CDH4: variants seen among roughly 807,000 people sequenced by gnomAD.
CDH4 encodes cadherin-4.
In CDH4, 33 loss-of-function variants were observed where a neutral mutation model predicts 86.0. That is an observed-to-expected ratio of 0.38 (90% CI 0.29 to 0.51). The LOEUF (loss-of-function observed/expected upper bound fraction) is 0.51, where lower values mean the gene tolerates loss of function less well. CDH4 is among the 20% of genes least tolerant of loss of function. The pLI is 0.86. For synonymous variants in CDH4, 555 were observed against 549.4 expected, an observed-to-expected ratio of 1.01 and a Z score of -0.14; for missense variants, 1,114 against 1,307.4, an observed-to-expected ratio of 0.85 and a Z score of 2.28.
intron 2 of CDH4, among the ~76,000 whole-genome samples, chr20:61,540,581 G>A (rs956893727): frequency 1.3e-5 from 2 of 152,028 alleles, no homozygotes; most frequent in Non-Finnish European, 2.9e-5. Context: ...ACGAAATGCC[G>A]GCAGGAAGAA....
chr20:61,519,478 G>A (rs1364476209), intron 2 of CDH4, among the ~76,000 whole-genome samples: 1 of 152,208 alleles, frequency 6.6e-6, no homozygotes, highest in Non-Finnish European at 1.5e-5. Flanking sequence ...AGCTACATTT[G>A]TTGTCCTTCC....
intron 8 of CDH4, among the ~76,000 whole-genome samples, chr20:61,906,185 G>A (rs902822771): frequency 6.6e-5 from 10 of 152,228 alleles, no homozygotes; most frequent in Admixed American, 1.3e-4. Flanking sequence ...ACAAGGATCT[G>A]AAGCATTTTC....
chr20:61,914,435 T>C (rs2054883886), intron 9 of CDH4, among the ~76,000 whole-genome samples: 2 of 150,992 alleles, frequency 1.3e-5, no homozygotes, highest in Non-Finnish European at 2.9e-5. Context: ...CAAAACCCTC[T>C]TTGGGAAAAG....
intron 4 of CDH4, among the ~76,000 whole-genome samples, chr20:61,786,875 G>A (rs1401754508): frequency 6.6e-6 from 1 of 152,198 alleles, no homozygotes; most frequent in Non-Finnish European, 1.5e-5. Flanking sequence ...TTGTCTAGGT[G>A]CTAATGCGTG....
intron 2 of CDH4, among the ~76,000 whole-genome samples, chr20:61,605,341 GTCTC>G (rs2086634905): frequency 6.6e-6 from 1 of 151,864 alleles, no homozygotes; most frequent in Non-Finnish European, 1.5e-5. Flanking sequence ...CTCTCTGTGT[GTCTC>G]TCTCTGTCTC....
At chr20:61,347,611 G>A (rs2084686741) in intron 2 of CDH4, among the ~76,000 whole-genome samples, 1 of 152,222 alleles carries the variant, frequency 6.6e-6, no homozygotes, top group African/African-American at 2.4e-5. Context: ...TGAGCGCTGA[G>A]AGACACATAA....
Position 61,612,401 on chromosome 20 carries a change from C to T in CDH4, c.170-131162C>T, listed in dbSNP as rs112660316. Reference sequence around the variant, plus strand: ...ACTTTTGTCTATTTTTGAGGCCTGACGTATTTTGGGTGGACTTGCCTTTTT... The same window carrying T: ...ACTTTTGTCTATTTTTGAGGCCTGATGTATTTTGGGTGGACTTGCCTTTTT... On this transcript the variant is annotated intron_variant, in intron 2 of 15. Coordinates refer to ENST00000614565, the MANE Select transcript of CDH4 (RefSeq NM_001794.5). Among the ~76,000 whole-genome samples the T allele has an allele frequency of 6.0e-3, 920 of 152,180 alleles. 7 individuals are homozygous for T. The highest frequency in any genetic ancestry group is 0.024 in the Middle Eastern group (7 of 294).
At chr20:61,523,801 C>T (rs566219149) in intron 2 of CDH4, among the ~76,000 whole-genome samples, 2 of 152,230 alleles carry the variant, frequency 1.3e-5, no homozygotes, top group Non-Finnish European at 2.9e-5. Flanking sequence ...CCTTTCACTG[C>T]CGGGGAGACC....
chr20:61,486,566 T>C (rs143169402), intron 2 of CDH4, among the ~76,000 whole-genome samples: 13 of 152,358 alleles, frequency 8.5e-5, no homozygotes, highest in African/African-American at 2.6e-4. Context: ...ACTTGTGTGG[T>C]GCCACCTCAG....
At chr20:61,903,499 C>T (rs994176582) in intron 8 of CDH4, among the ~76,000 whole-genome samples, 1 of 117,466 alleles carries the variant, frequency 8.5e-6, no homozygotes, top group East Asian at 2.5e-4. Flanking sequence ...GAGCCAAGAT[C>T]GAGCAATTGC....
rs980005498 is a variant in CDH4 at position 61,510,707 on chromosome 20, A to T, written c.170-232856A>T. Reference sequence around the variant, plus strand: ...GAGGCGGGAAGGTGTGCCCTCCATTATATAGAGGAGGCAGGTTGAAAATTG... The same window carrying T: ...GAGGCGGGAAGGTGTGCCCTCCATTTTATAGAGGAGGCAGGTTGAAAATTG... On this transcript the variant is annotated intron_variant, in intron 2 of 15. Transcript: ENST00000614565. This position sits in a 1 kb window ranked among gnomAD's most constrained non-coding sequence, Gnocchi z 4.2. Among the ~76,000 whole-genome samples, 3 of 152,120 alleles carry T rather than the reference A, an allele frequency of 2.0e-5. No homozygotes were observed. In the East Asian group the frequency reaches 5.8e-4, roughly 29 times the overall value.
At chr20:61,586,044 A>AT (rs2086470931) in intron 2 of CDH4, among the ~76,000 whole-genome samples, 2 of 140,010 alleles carry the variant, frequency 1.4e-5, no homozygotes, top group African/African-American at 5.7e-5. Context: ...TGTGGTGATG[A>AT]GGAGGATGAT....
intron 2 of CDH4, among the ~76,000 whole-genome samples, chr20:61,659,969 A>G (rs949800285): frequency 6.6e-6 from 1 of 151,980 alleles, no homozygotes; most frequent in Non-Finnish European, 1.5e-5. Context: ...TGAGTTGTCT[A>G]TTCCATGCAC....
chr20:61,605,886 GAAA>G (rs529210946), intron 2 of CDH4, among the ~76,000 whole-genome samples: 321 of 125,988 alleles, frequency 2.5e-3, no homozygotes, highest in African/African-American at 7.1e-3. Flanking sequence ...GGCTGTGGAG[GAAA>G]AAAAAAAAAA....
intron 2 of CDH4, among the ~76,000 whole-genome samples, chr20:61,722,351 C>G (rs896899389): frequency 6.6e-6 from 1 of 152,192 alleles, no homozygotes; most frequent in Non-Finnish European, 1.5e-5. Context: ...GTCATCAGCA[C>G]TCACTGCTAC....
intron 2 of CDH4, among the ~76,000 whole-genome samples, chr20:61,277,936 A>G (rs1470062297): frequency 6.6e-6 from 1 of 152,194 alleles, no homozygotes; most frequent in Non-Finnish European, 1.5e-5. Context: ...GTGGGTGCCG[A>G]TCGGGCCTAA....
intron 3 of CDH4, among the ~76,000 whole-genome samples, chr20:61,747,495 T>C (rs2088430357): frequency 6.9e-6 from 1 of 145,706 alleles, no homozygotes; most frequent in Admixed American, 6.9e-5. Context: ...CATGGGGCAA[T>C]CAGAGAGATT....
chr20:61,279,985 C>T (rs2084250151), intron 2 of CDH4, among the ~76,000 whole-genome samples: 1 of 152,140 alleles, frequency 6.6e-6, no homozygotes. Context: ...GGAGACCCGG[C>T]CCAGTGTTAG....
At chr20:61,751,746 T>G (rs1251510973) in intron 3 of CDH4, among the ~76,000 whole-genome samples, 3 of 152,212 alleles carry the variant, frequency 2.0e-5, no homozygotes, top group African/African-American at 7.2e-5. Flanking sequence ...GCCTAAAATA[T>G]TTACCATCTG....
Sources: allele counts gnomAD v4.1 joint callset (sites outside exome capture counted in the v4.1 genomes callset), GRCh38; gene constraint gnomAD v4.1.1; non-coding constraint Gnocchi (gnomAD v3.1); transcripts MANE v1.5; gene names NCBI Gene and HGNC (gene_info 2026-07-23, HGNC 2026-07-21).